Variants in C4orf50 observed in about 807,000 individuals in gnomAD.
The protein encoded by C4orf50 is chromosome 4 open reading frame 50, also known as uncharacterized protein C4orf50.
In C4orf50, 80 loss-of-function variants were observed where a neutral mutation model predicts 77.2. The observed-to-expected ratio is 1.04, with a 90% CI of 0.87 to 1.25. The LOEUF (loss-of-function observed/expected upper bound fraction) is 1.25. C4orf50 is among the 50% of genes most tolerant of loss of function. The pLI, the probability that C4orf50 is intolerant of heterozygous loss-of-function variation, is 0.00. For synonymous variants in C4orf50, 532 were observed against 465.3 expected, an observed-to-expected ratio of 1.14 and a Z score of -1.84; for missense variants, 1,257 against 1,152.9, an observed-to-expected ratio of 1.09 and a Z score of -1.31.
intron 25 of C4orf50, among the ~76,000 whole-genome samples, chr4:6,004,523 GGTGATAGTGATGAGGGTGGTA>G (rs1722146955): frequency 2.9e-4 from 3 of 10,314 alleles, no homozygotes; most frequent in Non-Finnish European, 5.3e-4. Context: ...CAATGGTGAT[GGTGATAGTGATGAGGGTGGTA>G]ATGGTGATGA....
rs1184543884 is a variant in C4orf50, at chr4:5,992,272, C to T, written c.1221+531G>A. Among the ~76,000 whole-genome samples, 3 of 152,308 alleles carry T rather than the reference C, an allele frequency of 2.0e-5. No homozygotes were observed. Among genetic ancestry groups the T allele is most frequent in the Non-Finnish European group, 2.9e-5 (2 of 68,030 alleles). On this transcript the variant is annotated intron_variant, in intron 27 of 33. Coordinates refer to ENST00000531445, the Ensembl canonical transcript of C4orf50. The surrounding 1 kb of genome is among the most constrained non-coding windows in gnomAD (Gnocchi z 5.0). ...ACAACCACACAACCACAGCCGGGCTCGCGGGTCCCAGCACAGCTCTGTTCC... is the reference window on the plus strand; with the variant it reads ...ACAACCACACAACCACAGCCGGGCTTGCGGGTCCCAGCACAGCTCTGTTCC...
intron 31 of C4orf50, among the ~76,000 whole-genome samples, chr4:5,971,655 G>A (rs1719924919): frequency 6.6e-6 from 1 of 152,136 alleles, no homozygotes; most frequent in Non-Finnish European, 1.5e-5. Context: ...AGAAATGACT[G>A]AAAAAATTTG....
At chr4:5,986,296 T>C (rs1218278928) in intron 28 of C4orf50, among the ~76,000 whole-genome samples, 2 of 152,180 alleles carry the variant, frequency 1.3e-5, no homozygotes, top group African/African-American at 4.8e-5. Context: ...TAATATACTG[T>C]ATATTTTCTG....
intron 7 of C4orf50, among the ~76,000 whole-genome samples, chr4:5,912,693 G>A (rs1247410108): frequency 6.6e-6 from 1 of 152,230 alleles, no homozygotes; most frequent in East Asian, 1.9e-4. Flanking sequence ...GCCACAGAGG[G>A]AAGCAGGAGG....
intron 29 of C4orf50, among the ~76,000 whole-genome samples, chr4:5,978,423 A>G (rs993103207): frequency 2.6e-5 from 4 of 152,376 alleles, no homozygotes; most frequent in Non-Finnish European, 5.9e-5. Context: ...TCCAAAGAGT[A>G]CTATTTAGCT....
exon 28 of C4orf50, chr4:5,988,469 C>A: frequency 6.4e-7 from 1 of 1,566,008 alleles, no homozygotes; most frequent in Non-Finnish European, 8.6e-7. Context: ...CCTTGCAGGG[C>A]ATTGGCTACA....
chr4:5,958,177 T>A lies in C4orf50; in HGVS notation c.*1198A>T, dbSNP rs1452313584. 1.3e-5 allele frequency: 2 copies of A among 152,044 alleles called. No homozygotes were observed. The highest frequency in any genetic ancestry group is 3.9e-4 in the East Asian group (2 of 5,152). 9.4% of individuals were successfully genotyped at this position (152,044 alleles called of 1,614,324 possible). A position where few individuals can be genotyped will look rare whatever the true frequency, so the allele number is the denominator to read the frequency against. On this transcript the variant is annotated 3_prime_UTR_variant, in exon 34 of 34. Transcript: ENST00000531445. This position sits in a 1 kb window ranked among gnomAD's most constrained non-coding sequence, Gnocchi z 5.4. ...TCTGGTGGGTGAGCCTGGGTCAGGGTCTGGTGTGTGTCGTCCAAGCCCCCT... is the reference window on the plus strand; with the variant it reads ...TCTGGTGGGTGAGCCTGGGTCAGGGACTGGTGTGTGTCGTCCAAGCCCCCT...
intron 33 of C4orf50, among the ~76,000 whole-genome samples, chr4:5,962,048 G>A (rs761361318): frequency 1.3e-5 from 2 of 152,164 alleles, no homozygotes; most frequent in Non-Finnish European, 2.9e-5. Context: ...GTTCCCAAAT[G>A]CTCATGACGA....
chr4:5,915,373 G>A (rs1234643545), intron 7 of C4orf50, among the ~76,000 whole-genome samples: 2 of 152,194 alleles, frequency 1.3e-5, no homozygotes, highest in Non-Finnish European at 2.9e-5. Flanking sequence ...GAAAGACATG[G>A]TTCATTAGCC....
At chr4:5,980,053 C>G (rs1720489299) in intron 29 of C4orf50, 121 bp downstream of exon 7, 1 of 646,404 alleles carries the variant, frequency 1.5e-6, no homozygotes, top group Non-Finnish European at 2.5e-6. Context: ...CTTTAAAAAT[C>G]CAGTACCTGC....
intron 7 of C4orf50, among the ~76,000 whole-genome samples, chr4:5,946,894 C>G (rs2108754146): frequency 6.6e-6 from 1 of 152,324 alleles, no homozygotes. Context: ...AATTTATGTT[C>G]AAGTGCTATT....
intron 28 of C4orf50, among the ~76,000 whole-genome samples, chr4:5,984,418 C>T (rs1314127683): frequency 6.6e-6 from 1 of 152,104 alleles, no homozygotes; most frequent in African/African-American, 2.4e-5. Context: ...AAACCAAACC[C>T]CTCAAGGTCT....
intron 7 of C4orf50, among the ~76,000 whole-genome samples, chr4:5,906,119 G>A (rs1716541499): frequency 6.6e-6 from 1 of 152,080 alleles, no homozygotes; most frequent in African/African-American, 2.4e-5. Context: ...GAGAGAGAGG[G>A]AGGGAGCAGG....
chr4:5,910,615 A>T (rs961869298), intron 7 of C4orf50, among the ~76,000 whole-genome samples: 1 of 152,090 alleles, frequency 6.6e-6, no homozygotes, highest in East Asian at 1.9e-4. Flanking sequence ...TAATCACCCC[A>T]CTCGATCATG....
At chr4:5,963,752 A>T (rs559643309) in intron 33 of C4orf50, among the ~76,000 whole-genome samples, 2 of 152,322 alleles carry the variant, frequency 1.3e-5, no homozygotes, top group South Asian at 4.1e-4. Flanking sequence ...TGCCAGGCAC[A>T]CACTCAGCTC....
chr4:5,938,978 A>G (rs369617656), intron 7 of C4orf50, among the ~76,000 whole-genome samples: 1 of 152,278 alleles, frequency 6.6e-6, no homozygotes, highest in East Asian at 1.9e-4. Context: ...TCAGTGGCTC[A>G]TGCCTGTAAT....
In C4orf50 at chr4:6,011,849, T is replaced by C. The variant is rs1015340516; in HGVS notation, c.407A>G (p.Gln136Arg). ...CGGTACCTGGCTGGCCAGCTCCCCC[T>C]GCAGCGCCGCCAGCTTCTCCTGGGC... Residue 136 changes from glutamine to arginine, a missense_variant, in exon 24 of 34, where the codon CAG becomes CGG. Coordinates refer to ENST00000531445, the Ensembl canonical transcript of C4orf50. This position sits in a 1 kb window ranked among gnomAD's most constrained non-coding sequence, Gnocchi z 4.2. 4 of 398,986 alleles carry C rather than the reference T, an allele frequency of 1.0e-5. No homozygotes were observed. The highest frequency in any genetic ancestry group is 2.1e-5 in the African/African-American group (1 of 48,652). 24.7% of individuals were successfully genotyped at this position (398,986 alleles called of 1,614,324 possible).
chr4:6,004,360 G>A (rs1186847541), intron 25 of C4orf50, among the ~76,000 whole-genome samples: 1 of 97,076 alleles, frequency 1.0e-5, no homozygotes, highest in African/African-American at 4.0e-5. Flanking sequence ...GACGGTGATG[G>A]TGATGATGGT....
intron 31 of C4orf50, among the ~76,000 whole-genome samples, chr4:5,972,720 C>T (rs940371262): frequency 1.3e-5 from 2 of 152,222 alleles, no homozygotes; most frequent in African/African-American, 4.8e-5. Context: ...CCTGGAGGGA[C>T]CATGGAAAAC....
Sources: allele counts gnomAD v4.1 joint callset (sites outside exome capture counted in the v4.1 genomes callset), GRCh38; gene constraint gnomAD v4.1.1; non-coding constraint Gnocchi (gnomAD v3.1); transcripts MANE v1.5; gene names NCBI Gene and HGNC (gene_info 2026-07-23, HGNC 2026-07-21).